Variants in LRCH4 observed in about 807,000 individuals in gnomAD.
LRCH4 encodes the protein leucine-rich repeat and calponin homology domain-containing protein 4.
A neutral mutation model predicts 81.2 loss-of-function variants in LRCH4; 56 were observed. The ratio of observed to expected loss-of-function variants is 0.69; its 90% CI spans 0.56 to 0.86. The LOEUF (loss-of-function observed/expected upper bound fraction) is 0.86, where lower values mean the gene tolerates loss of function less well. Ranked by LOEUF, LRCH4 falls within the 40% of genes least tolerant of loss-of-function variation. LRCH4 has a pLI of 0.00. For missense variants in LRCH4, 895 were observed against 922.8 expected, an observed-to-expected ratio of 0.97 and a Z score of 0.39; for synonymous variants, 442 against 409.7, an observed-to-expected ratio of 1.08 and a Z score of -0.95.
chr7:100,578,218 C>T lies in LRCH4; in HGVS notation c.889G>A (p.Gly297Arg). ...ACGCTGTGGAAGCCTGAGTCCAGCC[C>T]ACCATCGTACCGATGTCCCGGAAAT... ...DLFPGHRYDG[G>R]LDSGFHSVDS... The change falls in exon 7 of 18, where the codon GGG becomes AGG. Residue 297 changes from glycine to arginine, a missense_variant. Gly to Arg is a moderately radical substitution (Grantham distance 125, BLOSUM62 -2). This residue lies in a region of LRCH4 where 360 missense variants were observed against 397.0 expected (regional missense o/e 0.91). Transcript: ENST00000310300. This position sits in a 1 kb window ranked among gnomAD's most constrained non-coding sequence, Gnocchi z 5.7. 1 of 1,614,184 alleles carries T rather than the reference C, an allele frequency of 6.2e-7. No individual in the cohort carries two copies. The highest frequency in any genetic ancestry group is 8.5e-7 in the Non-Finnish European group (1 of 1,180,030).
chr7:100,576,073 TG>T, intron 15 of LRCH4, 65 bp from the exon 16 acceptor site: 3 of 1,542,882 alleles, frequency 1.9e-6, no homozygotes, highest in Non-Finnish European at 2.6e-6. Flanking sequence ...GCAGGGAGAG[TG>T]GGGGGCTCAG....
At position 100,585,752 on chromosome 7, in the gene LRCH4, G is replaced by A. The variant is rs1801717085; in HGVS notation, c.220+129C>T. 4 of 951,374 alleles carry A rather than the reference G, an allele frequency of 4.2e-6. No homozygotes were observed. The South Asian group carries it at 7.8e-5, about 19-fold the overall frequency. The allele number at this position is 951,374 out of a possible 1,614,324, so 58.9% of individuals were successfully genotyped here. A position where few individuals can be genotyped will look rare whatever the true frequency, so the allele number is the denominator to read the frequency against. On this transcript the variant is annotated intron_variant, in intron 1 of 17. Transcript: ENST00000310300. ...GGGAGAGGATGGCTGCAGGTTTAGGGCAATCAGGAGGGGCAGCAACCCTGG... is the reference window on the plus strand; with the variant it reads ...GGGAGAGGATGGCTGCAGGTTTAGGACAATCAGGAGGGGCAGCAACCCTGG...
Position 100,575,431 on chromosome 7 carries a change from G to T in LRCH4, c.1855-127C>A. 1 of 956,740 alleles carries T rather than the reference G, an allele frequency of 1.0e-6. No individual in the cohort carries two copies. Among genetic ancestry groups the T allele is most frequent in the Non-Finnish European group, 1.6e-6 (1 of 622,164 alleles). The allele number at this position is 956,740 out of a possible 1,614,324, so 59.3% of individuals were successfully genotyped here. ...CCACGCCCACATGCTGACGTGCTGG[G>T]CAGGGGGAGTGCAGTGCAGGAGGAG... On this transcript the variant is annotated intron_variant, in intron 17 of 17. Coordinates refer to ENST00000310300, the MANE Select transcript of LRCH4 (RefSeq NM_002319.5). This position sits in a 1 kb window ranked among gnomAD's most constrained non-coding sequence, Gnocchi z 5.3.
intron 4 of LRCH4, chr7:100,580,670 GACAC>G (rs1261224423): frequency 8.2e-5 from 12 of 145,972 alleles, no homozygotes; most frequent in Non-Finnish European, 1.8e-4. Context: ...CACATGCACA[GACAC>G]ACACGACATA....
At position 100,581,799 on chromosome 7, in the gene LRCH4, G is replaced by C; in HGVS notation, c.576C>G (p.Asn192Lys). Residue 192 changes from asparagine (N) to lysine (K), a missense_variant, in exon 4 of 18, where the codon AAC becomes AAG. Asn to Lys is a moderately conservative substitution (Grantham distance 94). Coordinates refer to ENST00000310300, the MANE Select transcript of LRCH4 (RefSeq NM_002319.5). Reference sequence around the variant, plus strand: ...CACCTTCGGGCAGCGTACTGAGCTGGTTCCTCCGGACATTGAGGTCCCGCA... The same window carrying C: ...CACCTTCGGGCAGCGTACTGAGCTGCTTCCTCCGGACATTGAGGTCCCGCA... ...SSLRDLNVRR[N>K]QLSTLPEELG... 6.2e-7 allele frequency: 1 copy of C among 1,614,220 alleles called. No individual in the cohort carries two copies. Among genetic ancestry groups the C allele is most frequent in the Non-Finnish European group, 8.5e-7 (1 of 1,180,024 alleles).
At position 100,578,638 on chromosome 7, in the gene LRCH4, C is replaced by A; in HGVS notation, c.735+12G>T. 1.2e-6 allele frequency: 2 copies of A among 1,611,814 alleles called. No individual in the cohort carries two copies. Among genetic ancestry groups the A allele is most frequent in the South Asian group, 1.1e-5 (1 of 90,874 alleles). On this transcript the variant is annotated intron_variant, in intron 5 of 17. Transcript: ENST00000310300. This position sits in a 1 kb window ranked among gnomAD's most constrained non-coding sequence, Gnocchi z 5.7. ...ACCCCTGTCCTCGTGGCCCCCCAGG[C>A]ACCCGCCTCACCTGGGCAGGTGGAC...
rs752408651 is a variant in LRCH4 at position 100,585,915 on chromosome 7, G to C, written c.186C>G (p.Ala62=). ...TGATGTCTGACAGGTCGTAGCTACG[G>C]GCCGCGCCCCGGGGGAAGTGCTTCA... ...RRLKHFPRGA[A]RSYDLSDITQ... is the part of the protein sequence containing the mutation. Residue 62 remains alanine, a synonymous_variant, in exon 1 of 18, where the codon GCC becomes GCG. Coordinates refer to ENST00000310300, the MANE Select transcript of LRCH4 (RefSeq NM_002319.5). The C allele has an allele frequency of 1.2e-5, 19 of 1,611,598 alleles. No individual in the cohort carries two copies. The highest frequency in any genetic ancestry group is 1.1e-5 in the Non-Finnish European group (13 of 1,178,768).
At position 100,575,390 on chromosome 7, in the gene LRCH4, C is replaced by A; in HGVS notation, c.1855-86G>T. The A allele has an allele frequency of 7.9e-7, 1 of 1,265,358 alleles. No homozygotes were observed. Among genetic ancestry groups the A allele is most frequent in the Non-Finnish European group, 1.1e-6 (1 of 910,830 alleles). The allele number at this position is 1,265,358 out of a possible 1,614,324, so 78.4% of individuals were successfully genotyped here. On this transcript the variant is annotated intron_variant, in intron 17 of 17. Coordinates refer to ENST00000310300, the MANE Select transcript of LRCH4 (RefSeq NM_002319.5). This position sits in a 1 kb window ranked among gnomAD's most constrained non-coding sequence, Gnocchi z 5.3. ...ACAGTCCCTCCCACCCCTGCCCTCA[C>A]GTGCTGGGGCCAGAACCACGCCCAC...
In LRCH4 at chr7:100,574,238, C is replaced by T. The variant is rs761611927; in HGVS notation, c.*869G>A. ...GTCCCGGGCGGGGTGGGCCCTGTGCCCCCACCTTCACCCCTAAGGCCGGTC... is the reference window on the plus strand; with the variant it reads ...GTCCCGGGCGGGGTGGGCCCTGTGCTCCCACCTTCACCCCTAAGGCCGGTC... On this transcript the variant is annotated 3_prime_UTR_variant, in exon 18 of 18. Transcript: ENST00000310300. The T allele has an allele frequency of 1.6e-5, 3 of 183,850 alleles. No individual in the cohort carries two copies. In the South Asian group the frequency reaches 2.0e-4, roughly 12 times the overall value. 11.4% of individuals were successfully genotyped at this position (183,850 alleles called of 1,614,324 possible).
In LRCH4 at chr7:100,583,942, G is replaced by A; in HGVS notation, c.221-1483C>T. 1 of 330,400 alleles carries A rather than the reference G, an allele frequency of 3.0e-6. No individual in the cohort carries two copies. Among genetic ancestry groups the A allele is most frequent in the South Asian group, 2.3e-5 (1 of 44,008 alleles). The allele number at this position is 330,400 out of a possible 1,614,324, so 20.5% of individuals were successfully genotyped here. A position where few individuals can be genotyped will look rare whatever the true frequency, so the allele number is the denominator to read the frequency against. On this transcript the variant is annotated intron_variant, in intron 1 of 17. Coordinates refer to ENST00000310300, the MANE Select transcript of LRCH4 (RefSeq NM_002319.5). The surrounding 1 kb of genome is among the most constrained non-coding windows in gnomAD (Gnocchi z 4.3). Reference sequence around the variant, plus strand: ...GCTCAGGCAGGAGGCAGGGCACTGGGGGCACAGGATGTGGTCTGGGAGAGA... The same window carrying A: ...GCTCAGGCAGGAGGCAGGGCACTGGAGGCACAGGATGTGGTCTGGGAGAGA...
At chr7:100,576,584 C>CAAAGGTACA (rs138200144) in intron 14 of LRCH4, 110 bp downstream of exon 14, 11 of 985,568 alleles carry the variant, frequency 1.1e-5, no homozygotes, top group Admixed American at 5.0e-5. Context: ...ATTTTCAACG[C>CAAAGGTACA]AAAGGTACAA....
chr7:100,584,855 G>A (rs1027912725), intron 1 of LRCH4: 2 of 447,152 alleles, frequency 4.5e-6, no homozygotes, highest in African/African-American at 4.0e-5. Flanking sequence ...GTGCAGATGA[G>A]AGGAGGAAGA....
chr7:100,575,559 AGGGCAGGGGGCATGCT>A lies in LRCH4; in HGVS notation c.1854+130_1854+145del, dbSNP rs761157165. The A allele has an allele frequency of 7.1e-5, 72 of 1,015,832 alleles. No individual in the cohort carries two copies. Among genetic ancestry groups the A allele is most frequent in the South Asian group, 5.7e-4 (45 of 78,718 alleles). The allele number at this position is 1,015,832 out of a possible 1,614,324, so 62.9% of individuals were successfully genotyped here. On this transcript the variant is annotated intron_variant, in intron 17 of 17. Coordinates refer to ENST00000310300, the MANE Select transcript of LRCH4 (RefSeq NM_002319.5). This position sits in a 1 kb window ranked among gnomAD's most constrained non-coding sequence, Gnocchi z 5.3. ...GTGACATGCAGGGCAGGGGGCATGCAGGGCAGGGGGCATGCTGGGCAGGGCAGGGGCAGCCTGTGCC... is the reference window on the plus strand; with the variant it reads ...GTGACATGCAGGGCAGGGGGCATGCAGGGCAGGGCAGGGGCAGCCTGTGCC...
Position 100,582,338 on chromosome 7 carries a change from T to TGTGA in LRCH4, c.338_341dup (p.Ala115HisfsTer41), listed in dbSNP as rs1801585642. On this transcript the variant is annotated frameshift_variant, in exon 2 of 18. Transcript: ENST00000310300. LOFTEE classifies it high-confidence loss of function. This position sits in a 1 kb window ranked among gnomAD's most constrained non-coding sequence, Gnocchi z 5.0. ...ACCTGAGGTTGAGGTAGGTGAGGGC[T>TGTGA]GTGAGATTCCCCAAGGCTGGGTTCA... is the stretch of plus-strand genomic sequence containing the variant. 1 of 1,613,976 alleles carries TGTGA rather than the reference T, an allele frequency of 6.2e-7. No homozygotes were observed. The highest frequency in any genetic ancestry group is 8.5e-7 in the Non-Finnish European group (1 of 1,180,026).
Position 100,582,490 on chromosome 7 carries a change from C to T in LRCH4, c.221-31G>A, listed in dbSNP as rs202023508. ...GAAAAGGAGGTGTCGGGGAGAGTTGCGGAAAGGCCCAGCCCGGACAGGACC... is the reference window on the plus strand; with the variant it reads ...GAAAAGGAGGTGTCGGGGAGAGTTGTGGAAAGGCCCAGCCCGGACAGGACC... On this transcript the variant is annotated intron_variant, in intron 1 of 17. Coordinates refer to ENST00000310300, the MANE Select transcript of LRCH4 (RefSeq NM_002319.5). This position sits in a 1 kb window ranked among gnomAD's most constrained non-coding sequence, Gnocchi z 5.0. The T allele has an allele frequency of 1.9e-4, 306 of 1,595,914 alleles. 2 individuals carry two copies. Among genetic ancestry groups the T allele is most frequent in the Middle Eastern group, 1.9e-4 (1 of 5,138 alleles).
intron 4 of LRCH4, chr7:100,580,820 C>G (rs1801527557): frequency 6.8e-6 from 1 of 147,100 alleles, no homozygotes; most frequent in Non-Finnish European, 1.5e-5. Flanking sequence ...CATAGACACA[C>G]ATGCACAGAC....
chr7:100,580,320 GC>G (rs1801489654), intron 4 of LRCH4: 1 of 151,708 alleles, frequency 6.6e-6, no homozygotes, highest in Admixed American at 6.6e-5. Flanking sequence ...TCCTCAAGAA[GC>G]CATTAAATCC....
In LRCH4 at chr7:100,576,764, A is replaced by T; in HGVS notation, c.1482T>A (p.Ala494=). The change falls in exon 14 of 18, where the codon GCT becomes GCA. Residue 494 remains alanine, a synonymous_variant. Coordinates refer to ENST00000310300, the MANE Select transcript of LRCH4 (RefSeq NM_002319.5). ...TCTGAATGGAGCCAAGTGGCCGTGG[A>T]GCAGGTGCTGTCGCTGGGGCCGGAA... The part of the protein sequence containing the change: ...LPIAGPATAP[A]PRPLGSIQRP... The T allele has an allele frequency of 1.3e-6, 2 of 1,595,048 alleles. No homozygotes were observed. Among genetic ancestry groups the T allele is most frequent in the Non-Finnish European group, 1.7e-6 (2 of 1,170,574 alleles).
chr7:100,577,034 G>A lies in LRCH4; in HGVS notation c.1365-29C>T, dbSNP rs964999397. The A allele has an allele frequency of 6.2e-7, 1 of 1,613,928 alleles. No individual in the cohort carries two copies. The highest frequency in any genetic ancestry group is 8.5e-7 in the Non-Finnish European group (1 of 1,179,788). ...AGGAGAGACAGAAGGGAATTAGAGG[G>A]ATGATGGTCATAGGAAGAGGAGTGG... On this transcript the variant is annotated intron_variant, in intron 12 of 17. Coordinates refer to ENST00000310300, the MANE Select transcript of LRCH4 (RefSeq NM_002319.5). The surrounding 1 kb of genome is among the most constrained non-coding windows in gnomAD (Gnocchi z 6.7).
Sources: gnomAD v4.1 joint callset for allele counts on GRCh38, gnomAD v4.1.1 for gene constraint, gnomAD v4.1.1 regional missense constraint, Gnocchi (gnomAD v3.1) non-coding constraint, MANE v1.5 for transcripts, NCBI Gene and HGNC (gene_info 2026-07-23, HGNC 2026-07-21) for gene names.